WDHD1: variants seen among roughly 807,000 people sequenced by gnomAD.
The protein encoded by WDHD1 is WD repeat and HMG-box DNA-binding protein 1.
In WDHD1, 111 loss-of-function variants were observed where a neutral mutation model predicts 135.4. The observed-to-expected ratio is 0.82, with a 90% CI of 0.70 to 0.96. WDHD1 has a LOEUF of 0.96. Ranked by LOEUF, WDHD1 falls within the 40% of genes least tolerant of loss-of-function variation. WDHD1 has a pLI of 0.00. For synonymous variants in WDHD1, 434 were observed against 439.0 expected (o/e 0.99, Z 0.14); for missense variants, 1,351 against 1,336.3 (o/e 1.01, Z -0.17).
Position 54,984,973 on chromosome 14 carries a change from T to C in WDHD1, c.1769-113A>G, listed in dbSNP as rs115082821. 1,694 of 1,348,458 alleles carry C rather than the reference T, an allele frequency of 1.3e-3. 23 individuals are homozygous for C. In the African/African-American group the frequency reaches 0.022, roughly 18 times the overall value. 83.5% of individuals were successfully genotyped at this position (1,348,458 alleles called of 1,614,324 possible). On this transcript the variant is annotated intron_variant, in intron 14 of 25. Transcript: ENST00000360586. ...GGTAAATTACTAGACTGACTAGCACTACTTTTTATGAATAACCCATCCAAC... is the reference window on the plus strand; with the variant it reads ...GGTAAATTACTAGACTGACTAGCACCACTTTTTATGAATAACCCATCCAAC...
At position 54,981,680 on chromosome 14, in the gene WDHD1, C is replaced by T; in HGVS notation, c.1923G>A (p.Val641=). Residue 641 remains valine (V), a synonymous_variant, in exon 16 of 26, where the codon GTG becomes GTA. Coordinates refer to ENST00000360586, the MANE Select transcript of WDHD1 (RefSeq NM_007086.4). ...GCATTCGAACAATTCCTTCTGAATC[C>T]ACGTAACAAGGGGTACCTAAACACC... ...GFSAEGTPCY[V]DSEGIVRMLN... 6.2e-7 allele frequency: 1 copy of T among 1,609,840 alleles called. No homozygotes were observed.
chr14:54,972,554 A>C (rs1035231130), intron 16 of WDHD1, among the ~76,000 whole-genome samples: 39 of 42,114 alleles, frequency 9.3e-4, no homozygotes, highest in Non-Finnish European at 1.5e-3. Context: ...AGACTGTCAC[A>C]AAAAAAAAAA....
intron 24 of WDHD1, among the ~76,000 whole-genome samples, chr14:54,952,743 T>C (rs965012884): frequency 3.3e-5 from 5 of 150,606 alleles, no homozygotes; most frequent in African/African-American, 1.2e-4. Context: ...CTTCAAACTA[T>C]ACAAAACAGC....
chr14:54,961,034 G>C (rs1452520207), intron 21 of WDHD1, among the ~76,000 whole-genome samples: 1 of 152,048 alleles, frequency 6.6e-6, no homozygotes, highest in Non-Finnish European at 1.5e-5. Context: ...CAAACGTCTG[G>C]TCTCAAGTGA....
intron 13 of WDHD1, among the ~76,000 whole-genome samples, chr14:54,987,822 T>C (rs932252361): frequency 6.6e-6 from 1 of 152,154 alleles, no homozygotes. Flanking sequence ...AGATGCAGTT[T>C]CACCATGTTG....
At position 54,955,594 on chromosome 14, in the gene WDHD1, G is replaced by C. The variant is rs2041139258; in HGVS notation, c.3017C>G (p.Ala1006Gly). 2 of 1,592,678 alleles carry C rather than the reference G, an allele frequency of 1.3e-6. No homozygotes were observed. Among genetic ancestry groups the C allele is most frequent in the Non-Finnish European group, 1.7e-6 (2 of 1,172,714 alleles). The change falls in exon 24 of 26, where the codon GCT becomes GGT. Residue 1006 changes from alanine to glycine, a missense_variant. Physicochemically the swap from Ala to Gly is moderately conservative, Grantham distance 60 (BLOSUM62 0). Transcript: ENST00000360586. ...NLKNVLSETP[A>G]ICPPQNTENQ... ...TTCAGTGTTTTGAGGAGGACATATA[G>C]CTGGGGTTTCAGATAATACATTTTT...
intron 25 of WDHD1, among the ~76,000 whole-genome samples, chr14:54,943,574 T>C (rs2040871857): frequency 6.6e-6 from 1 of 152,072 alleles, no homozygotes; most frequent in African/African-American, 2.4e-5. Flanking sequence ...AATTTTTAAA[T>C]TTTTGTAGAG....
intron 11 of WDHD1, among the ~76,000 whole-genome samples, chr14:54,991,669 T>A (rs1027023913): frequency 1.3e-5 from 2 of 152,204 alleles, no homozygotes; most frequent in African/African-American, 4.8e-5. Flanking sequence ...AGTAAAAATA[T>A]TAATTTTATT....
chr14:54,966,656 G>A, intron 17 of WDHD1, 50 bp from the exon 18 acceptor site: 1 of 1,540,462 alleles, frequency 6.5e-7, no homozygotes, highest in Non-Finnish European at 8.7e-7. Flanking sequence ...CTTAATATGA[G>A]GCAAGCGTTA....
At position 55,011,524 on chromosome 14, in the gene WDHD1, C is replaced by CAAAAAAAAA. The variant is rs60615259; in HGVS notation, c.190-1073_190-1065dup. Among the ~76,000 whole-genome samples, 50 of 50,994 alleles carry CAAAAAAAAA rather than the reference C, an allele frequency of 9.8e-4. 3 individuals are homozygous for CAAAAAAAAA. The highest frequency in any genetic ancestry group is 3.4e-3 in the African/African-American group (42 of 12,336). 33.5% of individuals were successfully genotyped at this position (50,994 alleles called of 152,430 possible). On this transcript the variant is annotated intron_variant, in intron 3 of 25. Transcript: ENST00000360586. ...AGGCAACAAGAGTGAAACTCTGTCT[C>CAAAAAAAAA]AAAAAAAAAAAAAAAAAAAAAAAAA...
Position 55,007,311 on chromosome 14 carries a change from C to A in WDHD1, c.569G>T (p.Cys190Phe), listed in dbSNP as rs2042090137. The change falls in exon 7 of 26, where the codon TGC (cysteine) becomes TTC (phenylalanine). Residue 190 changes from cysteine (C) to phenylalanine (F), a missense_variant. Cys to Phe is a radical substitution (Grantham distance 205, BLOSUM62 -2). This residue lies in a region of WDHD1 where 1,330 missense variants were observed against 1,296.1 expected (regional missense o/e 1.03). Transcript: ENST00000360586. ...CNDVINAKSI[C>F]RLAWQPKSGK... is the part of the protein sequence containing the mutation. ...ACTTTTTGGCTGCCAAGCAAGTCTG[C>A]AGATTGATTTTGCATTTATCACATC... 1.0e-5 allele frequency: 16 copies of A among 1,604,864 alleles called. No homozygotes were observed. Among genetic ancestry groups the A allele is most frequent in the Non-Finnish European group, 1.3e-5 (15 of 1,177,476 alleles).
chr14:55,007,051 A>C (rs2042082478), intron 7 of WDHD1, among the ~76,000 whole-genome samples: 1 of 151,740 alleles, frequency 6.6e-6, no homozygotes, highest in African/African-American at 2.4e-5. Context: ...ACACGATGAA[A>C]CCTCCTCTCT....
intron 12 of WDHD1, among the ~76,000 whole-genome samples, chr14:54,990,083 ATAAAT>A (rs138254684): frequency 0.016 from 2,450 of 152,272 alleles, 94 homozygotes; most frequent in East Asian, 0.15. Context: ...TAACATAACT[ATAAAT>A]AAAATATTGA....
At chr14:55,020,539 T>C (rs1242624262) in intron 2 of WDHD1, among the ~76,000 whole-genome samples, 1 of 152,228 alleles carries the variant, frequency 6.6e-6, no homozygotes, top group Non-Finnish European at 1.5e-5. Flanking sequence ...ACCTCTTTTC[T>C]TACCTATATT....
chr14:54,967,176 C>T (rs758412166), intron 17 of WDHD1, 104 bp downstream of exon 17: 2 of 943,080 alleles, frequency 2.1e-6, no homozygotes, highest in Non-Finnish European at 3.2e-6. Context: ...TGTAATTATA[C>T]AGTAATGAAT....
At chr14:54,978,282 C>T (rs1362696360) in intron 16 of WDHD1, among the ~76,000 whole-genome samples, 1 of 152,134 alleles carries the variant, frequency 6.6e-6, no homozygotes, top group African/African-American at 2.4e-5. Context: ...ACTATAAGAA[C>T]TACTAAAAAT....
chr14:54,951,043 C>G (rs1460684329), intron 24 of WDHD1, among the ~76,000 whole-genome samples: 2 of 151,988 alleles, frequency 1.3e-5, no homozygotes, highest in African/African-American at 2.4e-5. Flanking sequence ...CAAGAGAAAG[C>G]AGAAAATATC....
intron 17 of WDHD1, 78 bp downstream of exon 17, chr14:54,967,202 T>TGAAA (rs2041358765): frequency 8.8e-7 from 1 of 1,139,636 alleles, no homozygotes; most frequent in Non-Finnish European, 1.3e-6. Context: ...ATACTGGCCA[T>TGAAA]CAGGATAATT....
chr14:54,948,144 T>C (rs2040964914), intron 24 of WDHD1, among the ~76,000 whole-genome samples: 2 of 152,002 alleles, frequency 1.3e-5, no homozygotes, highest in South Asian at 4.1e-4. Context: ...AGACGGGTGA[T>C]TTCTGCACTT....
Sources: allele counts gnomAD v4.1 joint callset (sites outside exome capture counted in the v4.1 genomes callset), GRCh38; gene constraint gnomAD v4.1.1; regional missense constraint gnomAD v4.1.1; transcripts MANE v1.5; gene names NCBI Gene and HGNC (gene_info 2026-07-23, HGNC 2026-07-21).